Variants in SSH2 observed in about 807,000 individuals in gnomAD.
SSH2 encodes the protein slingshot protein phosphatase 2.
SSH2 carries 37 observed loss-of-function variants against 135.2 expected under a neutral mutation model. The observed-to-expected ratio is 0.27, with a 90% CI of 0.21 to 0.36. The LOEUF (loss-of-function observed/expected upper bound fraction) is 0.36. Among genes scored for constraint, SSH2 ranks in the 10% least tolerant of loss-of-function variants. SSH2 has a pLI of 1.00. For missense variants in SSH2, 1,408 were observed against 1,765.3 expected (o/e 0.80, Z 3.63); for synonymous variants, 628 against 646.2 (o/e 0.97, Z 0.43).
In SSH2 at chr17:29,702,515, C is replaced by T. The variant is rs547046224; in HGVS notation, c.292+444G>A. Among the ~76,000 whole-genome samples the T allele has an allele frequency of 8.1e-5, 12 of 149,010 alleles. No homozygotes were observed. The South Asian group carries it at 1.9e-3, about 24-fold the overall frequency. ...ACTAAGAATACAAAAATGAGCTGGG[C>T]GTGGTGGCGGGCGCCTGTAGTCCCA... is the stretch of plus-strand genomic sequence containing the variant. On this transcript the variant is annotated intron_variant, in intron 4 of 15. Coordinates refer to ENST00000540801, the MANE Select transcript of SSH2 (RefSeq NM_001282129.2).
chr17:29,672,532 A>G (rs2037537186), intron 8 of SSH2, among the ~76,000 whole-genome samples: 1 of 152,140 alleles, frequency 6.6e-6, no homozygotes, highest in Admixed American at 6.5e-5. Context: ...TACAGCATAT[A>G]TTTTCTGTAA....
chr17:29,886,170 T>C (rs979375408), intron 1 of SSH2, among the ~76,000 whole-genome samples: 2 of 151,960 alleles, frequency 1.3e-5, no homozygotes, highest in East Asian at 1.9e-4. Context: ...GACAGGAAGA[T>C]ATGGGAAAGT....
intron 2 of SSH2, among the ~76,000 whole-genome samples, chr17:29,794,582 C>T (rs1567978644): frequency 6.6e-6 from 1 of 152,104 alleles, no homozygotes; most frequent in Admixed American, 6.6e-5. Context: ...GTTAATGACC[C>T]ACCCAGGGAT....
intron 11 of SSH2, among the ~76,000 whole-genome samples, chr17:29,661,196 G>A (rs927773937): frequency 6.6e-6 from 1 of 150,822 alleles, no homozygotes. Context: ...TCTCCTAATT[G>A]TCTTATCACC....
At chr17:29,641,157 C>T (rs1354874038) in intron 14 of SSH2, among the ~76,000 whole-genome samples, 7 of 151,982 alleles carry the variant, frequency 4.6e-5, no homozygotes, top group African/African-American at 9.7e-5. Flanking sequence ...GTGATCTGCC[C>T]GCCTCGGCCT....
intron 3 of SSH2, among the ~76,000 whole-genome samples, chr17:29,734,583 A>C (rs903270466): frequency 6.6e-6 from 1 of 152,228 alleles, no homozygotes; most frequent in Admixed American, 6.5e-5. Flanking sequence ...CCATACTAAA[A>C]GCAGTTAGAA....
At chr17:29,741,668 T>G in intron 3 of SSH2, among the ~76,000 whole-genome samples, 1 of 149,132 alleles carries the variant, frequency 6.7e-6, no homozygotes, top group African/African-American at 2.5e-5. Context: ...CAGGCTGGAG[T>G]GCAGTGGCGC....
intron 3 of SSH2, among the ~76,000 whole-genome samples, chr17:29,788,085 C>G (rs1439922618): frequency 2.0e-5 from 3 of 152,072 alleles, no homozygotes; most frequent in Non-Finnish European, 2.9e-5. Context: ...GGAGAAATGT[C>G]TATTCAAGTT....
chr17:29,719,484 C>A (rs1389823035), intron 3 of SSH2, among the ~76,000 whole-genome samples: 3 of 143,750 alleles, frequency 2.1e-5, no homozygotes, highest in Non-Finnish European at 3.0e-5. Context: ...TCCAGCCTAA[C>A]AGCCTAACTG....
chr17:29,760,670 A>T (rs2041261904), intron 3 of SSH2, among the ~76,000 whole-genome samples: 1 of 152,102 alleles, frequency 6.6e-6, no homozygotes, highest in Non-Finnish European at 1.5e-5. Flanking sequence ...CCAGACTACA[A>T]CCAGCAGGAG....
At chr17:29,804,843 CTTTTTTTTTTTTT>C (rs531310094) in intron 2 of SSH2, among the ~76,000 whole-genome samples, 51 of 98,998 alleles carry the variant, frequency 5.2e-4, no homozygotes, top group Middle Eastern at 6.6e-3. Flanking sequence ...CCACATCTGG[CTTTTTTTTTTTTT>C]TTTTTTTTTT....
chr17:29,811,589 G>T (rs2042443140), intron 2 of SSH2, among the ~76,000 whole-genome samples: 1 of 149,108 alleles, frequency 6.7e-6, no homozygotes, highest in Non-Finnish European at 1.5e-5. Context: ...TTTTCTTGGA[G>T]ACAGAGTCTA....
At chr17:29,901,958 T>A (rs1400329915) in intron 1 of SSH2, among the ~76,000 whole-genome samples, 2 of 151,372 alleles carry the variant, frequency 1.3e-5, no homozygotes, top group Non-Finnish European at 2.9e-5. Flanking sequence ...AATTTTTAAT[T>A]TTTTTTTTGT....
chr17:29,655,624 A>C lies in SSH2; in HGVS notation c.1033-17T>G. 1 of 1,613,174 alleles carries C rather than the reference A, an allele frequency of 6.2e-7. No homozygotes were observed. The highest frequency in any genetic ancestry group is 8.5e-7 in the Non-Finnish European group (1 of 1,179,130). ...TTCTGAGCCCTATGGAGCCAAAAAG[A>C]CAAGGTTAAGGAGTATTAGCAAATC... On this transcript the variant is annotated splice_polypyrimidine_tract_variant and intron_variant, in intron 11 of 15. Transcript: ENST00000540801.
intron 5 of SSH2, among the ~76,000 whole-genome samples, chr17:29,692,645 C>T (rs897237166): frequency 3.9e-5 from 6 of 152,132 alleles, no homozygotes; most frequent in Admixed American, 2.0e-4. Context: ...AATGAGAAAA[C>T]GATAAAGTGA....
chr17:29,633,774 C>A (rs1488596390), intron 15 of SSH2, among the ~76,000 whole-genome samples: 1 of 152,158 alleles, frequency 6.6e-6, no homozygotes, highest in Admixed American at 6.5e-5. Context: ...AAAAGAATAT[C>A]AAAATCTGGG....
chr17:29,928,234 T>C (rs917881841), intron 1 of SSH2: 13 of 264,274 alleles, frequency 4.9e-5, no homozygotes, highest in Middle Eastern at 1.1e-3. Flanking sequence ...GGTTTGATGG[T>C]ATGTTAATGA....
chr17:29,751,573 AG>A (rs1215431901), intron 3 of SSH2, among the ~76,000 whole-genome samples: 1 of 152,194 alleles, frequency 6.6e-6, no homozygotes, highest in East Asian at 1.9e-4. Context: ...ACAACAATGC[AG>A]GTTTGTTTGC....
intron 2 of SSH2, among the ~76,000 whole-genome samples, chr17:29,821,488 C>T (rs1432712927): frequency 1.4e-5 from 2 of 141,646 alleles, no homozygotes; most frequent in Non-Finnish European, 3.0e-5. Flanking sequence ...GTTATTGGAG[C>T]AAATAAATTA....
Sources: allele counts gnomAD v4.1 joint callset (sites outside exome capture counted in the v4.1 genomes callset), GRCh38; gene constraint gnomAD v4.1.1; transcripts MANE v1.5; gene names NCBI Gene and HGNC (gene_info 2026-07-23, HGNC 2026-07-21).